Variants in TENM4 observed in about 807,000 individuals in gnomAD.
TENM4 encodes the protein teneurin transmembrane protein 4, also known as teneurin-4.
A neutral mutation model predicts 243.3 loss-of-function variants in TENM4; 82 were observed. The ratio of observed to expected loss-of-function variants is 0.34; its 90% confidence interval spans 0.28 to 0.40. The LOEUF is 0.40. Ranked by LOEUF, TENM4 falls within the 10% of genes least tolerant of loss-of-function variation. The pLI, the probability that TENM4 is intolerant of heterozygous loss-of-function variation, is 1.00. For synonymous variants in TENM4, 1,412 were observed against 1,456.3 expected (o/e 0.97, Z 0.69); for missense variants, 3,138 against 3,673.3 (o/e 0.85, Z 3.77).
intron 2 of TENM4, among the ~76,000 whole-genome samples, chr11:79,238,647 C>T (rs570924096): frequency 6.6e-6 from 1 of 152,044 alleles, no homozygotes; most frequent in South Asian, 2.1e-4. Context: ...ATTGCCAAAC[C>T]TTCATAATAA....
chr11:79,139,805 AAT>A (rs1233610810), intron 4 of TENM4, among the ~76,000 whole-genome samples: 2 of 115,596 alleles, frequency 1.7e-5, no homozygotes, highest in Non-Finnish European at 3.4e-5. Flanking sequence ...ATAAATATAT[AAT>A]ATATATTTTA....
intron 3 of TENM4, among the ~76,000 whole-genome samples, chr11:79,149,827 C>T (rs937728045): frequency 1.3e-5 from 2 of 152,158 alleles, no homozygotes; most frequent in African/African-American, 2.4e-5. Flanking sequence ...AGTTCCCTCA[C>T]ACCATTTAAA....
chr11:78,861,133 T>C (rs182593401), intron 10 of TENM4, among the ~76,000 whole-genome samples: 6 of 152,354 alleles, frequency 3.9e-5, no homozygotes, highest in Admixed American at 6.5e-5. Context: ...CTTCACATTA[T>C]GGTATTAACC....
intron 2 of TENM4, among the ~76,000 whole-genome samples, chr11:79,231,213 A>G (rs1864366517): frequency 6.6e-6 from 1 of 152,318 alleles, no homozygotes; most frequent in African/African-American, 2.4e-5. Context: ...GTGCAAATTG[A>G]TGAGGGAAAA....
At chr11:78,926,690 T>C (rs78027471) in intron 6 of TENM4, among the ~76,000 whole-genome samples, 1 of 95,026 alleles carries the variant, frequency 1.1e-5, no homozygotes, top group East Asian at 1.9e-4. Context: ...TTTTTTTTTT[T>C]CTGCCACAGA....
intron 4 of TENM4, among the ~76,000 whole-genome samples, chr11:79,114,850 A>AC (rs1252363989): frequency 1.3e-5 from 2 of 152,144 alleles, no homozygotes; most frequent in Non-Finnish European, 2.9e-5. Flanking sequence ...TAGATAGGAA[A>AC]CCCTGCCATA....
At chr11:79,036,749 C>T (rs922672654) in intron 6 of TENM4, among the ~76,000 whole-genome samples, 11 of 152,102 alleles carry the variant, frequency 7.2e-5, no homozygotes, top group Non-Finnish European at 1.3e-4. Context: ...CAGTGGCTCA[C>T]GCCTGTAGTC....
intron 4 of TENM4, among the ~76,000 whole-genome samples, chr11:79,125,867 G>A (rs1159577461): frequency 6.6e-6 from 1 of 152,150 alleles, no homozygotes; most frequent in Non-Finnish European, 1.5e-5. Context: ...AGCCCCTAGA[G>A]GTGAGGATGA....
At chr11:79,157,360 C>T (rs190524281) in intron 3 of TENM4, among the ~76,000 whole-genome samples, 76 of 152,270 alleles carry the variant, frequency 5.0e-4, no homozygotes, top group Admixed American at 2.6e-3. Flanking sequence ...TGTGCTGCAA[C>T]GTGGAGTAAA....
chr11:79,340,741 T>C (rs1200003803), intron 1 of TENM4, among the ~76,000 whole-genome samples: 1 of 152,144 alleles, frequency 6.6e-6, no homozygotes, highest in Non-Finnish European at 1.5e-5. Flanking sequence ...TCTGGCAAAC[T>C]CCTACTCATT....
chr11:79,391,335 T>A (rs2135541129), intron 1 of TENM4, among the ~76,000 whole-genome samples: 1 of 152,238 alleles, frequency 6.6e-6, no homozygotes, highest in South Asian at 2.1e-4. Flanking sequence ...TGCAGATGCA[T>A]TTACTCACCC....
At chr11:78,987,857 C>T (rs867582783) in intron 6 of TENM4, among the ~76,000 whole-genome samples, 13 of 150,620 alleles carry the variant, frequency 8.6e-5, no homozygotes, top group African/African-American at 2.5e-4. Context: ...AAGAAACTGA[C>T]GGTAAGGCAG....
chr11:78,834,943 C>T (rs1858067011), intron 12 of TENM4, among the ~76,000 whole-genome samples: 1 of 152,170 alleles, frequency 6.6e-6, no homozygotes, highest in Non-Finnish European at 1.5e-5. Flanking sequence ...TTGATACCTC[C>T]CTCAGCAGGG....
intron 6 of TENM4, among the ~76,000 whole-genome samples, chr11:78,919,465 A>G (rs1251431588): frequency 6.6e-6 from 1 of 152,124 alleles, no homozygotes; most frequent in African/African-American, 2.4e-5. Context: ...TGACTGATTC[A>G]GGCAAATATG....
rs189883527 is a variant in TENM4, at chr11:78,855,054, A to C, written c.1471-740T>G. Among the ~76,000 whole-genome samples, 353 of 152,232 alleles carry C rather than the reference A, an allele frequency of 2.3e-3. 2 individuals are homozygous for C. The highest frequency in any genetic ancestry group is 7.7e-3 in the African/African-American group (318 of 41,550). ...TAGCAAGCAAATTGGGTAGTTATCT[A>C]GCTAGCTAGCTAGCTAGCTTTAAAA... On this transcript the variant is annotated intron_variant, in intron 11 of 33. Transcript: ENST00000278550.
chr11:79,224,010 A>T (rs1864211606), intron 2 of TENM4, among the ~76,000 whole-genome samples: 1 of 151,982 alleles, frequency 6.6e-6, no homozygotes, highest in Admixed American at 6.6e-5. Context: ...CCAATACAAG[A>T]CCCTCCAGAG....
In TENM4 at chr11:79,144,306, T is replaced by C. The variant is rs113184405; in HGVS notation, c.-66+4404A>G. On this transcript the variant is annotated intron_variant, in intron 4 of 33. Transcript: ENST00000278550. ...TATCCAAAAAGCAGGCAATAATGAATGCTGGCGAGGAGGTGGAGAAAAGGG... is the reference window on the plus strand; with the variant it reads ...TATCCAAAAAGCAGGCAATAATGAACGCTGGCGAGGAGGTGGAGAAAAGGG... Among the ~76,000 whole-genome samples, 37 of 152,064 alleles carry C rather than the reference T, an allele frequency of 2.4e-4. 1 individual carries two copies. Among genetic ancestry groups the C allele is most frequent in the African/African-American group, 8.9e-4 (37 of 41,508 alleles).
At chr11:79,291,995 C>G (rs997994731) in intron 2 of TENM4, among the ~76,000 whole-genome samples, 1 of 152,144 alleles carries the variant, frequency 6.6e-6, no homozygotes, top group Admixed American at 6.5e-5. Flanking sequence ...CCCAGGTCGT[C>G]CAGAGCCACT....
rs1858347671 is a variant in TENM4, at chr11:78,672,169, G to A, written c.5657C>T (p.Thr1886Ile). Residue 1886 changes from threonine (T) to isoleucine (I), a missense_variant, in exon 31 of 34, where the codon ACA becomes ATA. Thr to Ile is a moderately conservative substitution (Grantham distance 89). Around this residue, in one of 2 missense-constraint regions of TENM4, gnomAD observed 2,467 missense variants for 3,059.1 expected, o/e 0.81. Coordinates refer to ENST00000278550, the MANE Select transcript of TENM4 (RefSeq NM_001098816.3). ...AGCAATGTAACCCCCAGGGGAGTAT[G>A]TCACGTTGACACCATTCAGCCTGCT... is the stretch of plus-strand genomic sequence containing the variant. ...PSSRLNGVNV[T>I]YSPGGYIAGI... 5 of 1,613,744 alleles carry A rather than the reference G, an allele frequency of 3.1e-6. No individual in the cohort carries two copies. In the South Asian group the frequency reaches 3.3e-5, roughly 11 times the overall value.
Sources: gnomAD v4.1 joint callset for allele counts (sites outside exome capture counted in the v4.1 genomes callset) on GRCh38, gnomAD v4.1.1 for gene constraint, gnomAD v4.1.1 regional missense constraint, MANE v1.5 for transcripts, NCBI Gene and HGNC (gene_info 2026-07-23, HGNC 2026-07-21) for gene names.